XYLB: variants seen among roughly 807,000 people sequenced by gnomAD.
XYLB encodes xylulokinase.
In XYLB, 62 loss-of-function variants were observed where a neutral mutation model predicts 78.7. The ratio of observed to expected loss-of-function variants is 0.79; its 90% confidence interval spans 0.64 to 0.97. XYLB has a LOEUF of 0.97. Among genes scored for constraint, XYLB ranks in the 50% least tolerant of loss-of-function variants. XYLB has a pLI of 0.00. For synonymous variants in XYLB, 245 were observed against 247.4 expected (o/e 0.99, Z 0.09); for missense variants, 687 against 676.8 (o/e 1.02, Z -0.17).
chr3:38,411,049 A>G (rs976554526), intron 18 of XYLB, among the ~76,000 whole-genome samples: 2 of 152,222 alleles, frequency 1.3e-5, no homozygotes, highest in African/African-American at 2.4e-5. Flanking sequence ...CCAAAGGACT[A>G]TAAATCATGC....
intron 15 of XYLB, among the ~76,000 whole-genome samples, chr3:38,393,910 G>A (rs1707770180): frequency 6.6e-6 from 1 of 152,064 alleles, no homozygotes; most frequent in African/African-American, 2.4e-5. Flanking sequence ...ATAAATTTAG[G>A]GTAGACACAC....
intron 2 of XYLB, among the ~76,000 whole-genome samples, chr3:38,351,312 C>A (rs1412856322): frequency 1.3e-4 from 19 of 150,848 alleles, no homozygotes; most frequent in Admixed American, 1.1e-3. Flanking sequence ...TCTAGTCTTT[C>A]AAAATTTTAA....
intron 4 of XYLB, among the ~76,000 whole-genome samples, chr3:38,364,571 C>T (rs1437452838): frequency 2.7e-5 from 4 of 149,206 alleles, no homozygotes; most frequent in African/African-American, 7.4e-5. Flanking sequence ...CCACTCATCC[C>T]GGGACTTGCC....
At chr3:38,437,875 C>G in the XYLB span, among the ~76,000 whole-genome samples, 1 of 151,982 alleles carries the variant, frequency 6.6e-6, no homozygotes, top group Non-Finnish European at 1.5e-5. Context: ...ATAGAGACCA[C>G]CCTGGCCAAC....
At position 38,379,245 on chromosome 3, in the gene XYLB, G is replaced by C; in HGVS notation, c.1195-1G>C. On this transcript the variant is annotated splice_acceptor_variant, in intron 14 of 18. Transcript: ENST00000207870. LOFTEE classifies it high-confidence loss of function. ...CTGTGCCCACCTTTTCCTGGAGACA[G>C]GTTGCAGCATTCCCTGGGGATGTGG... is the stretch of plus-strand genomic sequence containing the variant. The C allele has an allele frequency of 6.2e-7, 1 of 1,614,126 alleles. No individual in the cohort carries two copies. Among genetic ancestry groups the C allele is most frequent in the Non-Finnish European group, 8.5e-7 (1 of 1,180,016 alleles).
chr3:38,440,811 T>A, the XYLB span, among the ~76,000 whole-genome samples: 1 of 151,888 alleles, frequency 6.6e-6, no homozygotes, highest in African/African-American at 2.4e-5. Flanking sequence ...TATCTCTCTC[T>A]CTTTCTCTCT....
intron 18 of XYLB, among the ~76,000 whole-genome samples, chr3:38,411,003 C>T (rs1397259673): frequency 6.6e-6 from 1 of 152,138 alleles, no homozygotes; most frequent in Non-Finnish European, 1.5e-5. Context: ...ACTAGAAATA[C>T]CATTTGACCC....
chr3:38,377,794 G>A (rs1031889398), intron 14 of XYLB, among the ~76,000 whole-genome samples: 11 of 152,058 alleles, frequency 7.2e-5, no homozygotes, highest in African/African-American at 2.7e-4. Context: ...AGATGGAGAG[G>A]TTGAGACTCA....
chr3:38,379,462 G>A (rs1181040227), intron 15 of XYLB, 120 bp downstream of exon 15: 14 of 912,542 alleles, frequency 1.5e-5, no homozygotes, highest in Non-Finnish European at 2.2e-5. Flanking sequence ...ACTTGTGCAG[G>A]AGGGAGGTGG....
rs9811714 is a variant in XYLB at position 38,359,069 on chromosome 3, G to C, written c.141-1270G>C. Among the ~76,000 whole-genome samples the C allele has an allele frequency of 2.5e-3, 375 of 152,356 alleles. 1 individual carries two copies. Among genetic ancestry groups the C allele is most frequent in the African/African-American group, 8.8e-3 (366 of 41,580 alleles). On this transcript the variant is annotated intron_variant, in intron 2 of 18. Transcript: ENST00000207870. ...TGTGGGAATCGGCTAAAAGCCTTTA[G>C]AGCTGAGAGCCACAAACAGAGTTTT...
chr3:38,408,568 A>C (rs1378233582), intron 18 of XYLB, among the ~76,000 whole-genome samples: 2 of 152,098 alleles, frequency 1.3e-5, no homozygotes, highest in African/African-American at 4.8e-5. Context: ...GACACAAAAA[A>C]ACCCTTCAAA....
intron 14 of XYLB, among the ~76,000 whole-genome samples, chr3:38,378,070 T>G (rs1454289211): frequency 6.6e-6 from 1 of 152,238 alleles, no homozygotes; most frequent in East Asian, 1.9e-4. Flanking sequence ...ACACTCTGTC[T>G]GGAAACTGTA....
intron 9 of XYLB, 167 bp from the exon 10 acceptor site, chr3:38,372,488 G>A: frequency 1.0e-6 from 1 of 985,356 alleles, no homozygotes; most frequent in Non-Finnish European, 1.2e-6. Context: ...GGAGGGACAT[G>A]CCCAGTTTGT....
At chr3:38,432,578 C>T in the XYLB span, among the ~76,000 whole-genome samples, 6 of 152,006 alleles carry the variant, frequency 3.9e-5, no homozygotes, top group African/African-American at 1.4e-4. Flanking sequence ...AAAAAATTTA[C>T]TTCCTAGATA....
At chr3:38,395,949 G>A (rs570764311) in intron 16 of XYLB, among the ~76,000 whole-genome samples, 5 of 152,328 alleles carry the variant, frequency 3.3e-5, no homozygotes, top group African/African-American at 1.2e-4. Flanking sequence ...ACAGTTGCCA[G>A]ACTGTTACTG....
chr3:38,444,113 A>G, the XYLB span, among the ~76,000 whole-genome samples: 1 of 152,232 alleles, frequency 6.6e-6, no homozygotes, highest in African/African-American at 2.4e-5. Flanking sequence ...GTTTGATCTC[A>G]TAGCATGACA....
At chr3:38,405,076 C>A (rs1708258382) in intron 18 of XYLB, among the ~76,000 whole-genome samples, 1 of 151,902 alleles carries the variant, frequency 6.6e-6, no homozygotes, top group Non-Finnish European at 1.5e-5. Flanking sequence ...GGTTGTGTTT[C>A]TTTTTGGTCT....
At chr3:38,409,573 G>A (rs1319256997) in intron 18 of XYLB, among the ~76,000 whole-genome samples, 9 of 151,752 alleles carry the variant, frequency 5.9e-5, no homozygotes, top group Non-Finnish European at 7.4e-5. Context: ...AGGGTACTCA[G>A]TTAGGAAAAG....
At chr3:38,351,197 A>AAAAAAAAAAAAAAAAAAAC in intron 2 of XYLB, among the ~76,000 whole-genome samples, 1 of 148,714 alleles carries the variant, frequency 6.7e-6, no homozygotes. Flanking sequence ...AAAAAAAAAA[A>AAAAAAAAAAAAAAAAAAAC]AAGGAAGTCT....
Sources: allele counts gnomAD v4.1 joint callset (sites outside exome capture counted in the v4.1 genomes callset), GRCh38; gene constraint gnomAD v4.1.1; transcripts MANE v1.5; gene names NCBI Gene and HGNC (gene_info 2026-07-23, HGNC 2026-07-21).